ECE2: variants seen among roughly 807,000 people sequenced by gnomAD.
ECE2 encodes endothelin converting enzyme 2.
In ECE2, 81 loss-of-function variants were observed where a neutral mutation model predicts 100.6. The ratio of observed to expected loss-of-function variants is 0.81; its 90% CI spans 0.67 to 0.97. The LOEUF is 0.97. ECE2 is among the 50% of genes least tolerant of loss of function. ECE2 has a pLI of 0.00. For synonymous variants in ECE2, 391 were observed against 391.5 expected (o/e 1.00, Z 0.02); for missense variants, 911 against 988.1 (o/e 0.92, Z 1.05).
intron 9 of ECE2, 47 bp downstream of exon 9, chr3:184,285,152 G>A: frequency 6.3e-7 from 1 of 1,589,200 alleles, no homozygotes; most frequent in Non-Finnish European, 8.6e-7. Flanking sequence ...GAGGTCTCCA[G>A]CAAGGCTGGG....
Position 184,291,394 on chromosome 3 carries a change from C to T in ECE2, c.2076C>T (p.Ala692=), listed in dbSNP as rs574347307. 2.0e-5 allele frequency: 32 copies of T among 1,607,636 alleles called. No individual in the cohort carries two copies. The highest frequency in any genetic ancestry group is 1.1e-4 in the East Asian group (5 of 44,856). ...ATGGGGAGGAGCAGCAACTGCCAGC[C>T]GTGGGGCTCACCAACCACCAGCTCT... ...RKHGEEQQLP[A]VGLTNHQLFF... is the part of the protein sequence containing the mutation. The change falls in exon 18 of 19, where the codon GCC becomes GCT. Residue 692 remains alanine, a synonymous_variant. Transcript: ENST00000404464. This position sits in a 1 kb window ranked among gnomAD's most constrained non-coding sequence, Gnocchi z 4.1.
chr3:184,288,009 A>G, intron 11 of ECE2, 62 bp downstream of exon 11: 1 of 1,509,422 alleles, frequency 6.6e-7, no homozygotes, highest in Non-Finnish European at 9.1e-7. Flanking sequence ...GTATGTGCAG[A>G]CATATAGAAA....
chr3:184,284,853 G>T lies in ECE2; in HGVS notation c.1006-110G>T, dbSNP rs147438885. 1.0e-4 allele frequency: 144 copies of T among 1,405,834 alleles called. No individual in the cohort carries two copies. In the African/African-American group the frequency reaches 1.5e-3, roughly 15 times the overall value. 87.1% of individuals were successfully genotyped at this position (1,405,834 alleles called of 1,614,324 possible). A position where few individuals can be genotyped will look rare whatever the true frequency, so the allele number is the denominator to read the frequency against. The stretch of plus-strand genomic sequence containing the variant: ...ACAGGAAGGATACACCATGAAGCCA[G>T]TAGTTGTTGCTATGGCAATGGGAAG... On this transcript the variant is annotated intron_variant, in intron 8 of 18. Transcript: ENST00000404464.
intron 7 of ECE2, among the ~76,000 whole-genome samples, chr3:184,279,651 C>A (rs1278284370): frequency 5.2e-5 from 5 of 96,162 alleles, no homozygotes; most frequent in African/African-American, 1.2e-4. Context: ...AACAAGACTT[C>A]ATCTCAAAAA....
At chr3:184,278,120 C>T (rs1720647992) in intron 5 of ECE2, 47 bp from the exon 6 acceptor site, 1 of 1,613,326 alleles carries the variant, frequency 6.2e-7, no homozygotes, top group African/African-American at 1.3e-5. Flanking sequence ...CCCAGGAACG[C>T]TTTGGGAGCT....
rs546404862 is a variant in ECE2 at position 184,278,382 on chromosome 3, T to C, written c.750+69T>C. On this transcript the variant is annotated intron_variant, in intron 6 of 18. Transcript: ENST00000404464. The stretch of plus-strand genomic sequence containing the variant: ...GCTGAGCCCAGACTTCCCTCTCCTG[T>C]GACAGGCAGGCTGGGCTGACCCCCC... 78 of 1,592,376 alleles carry C rather than the reference T, an allele frequency of 4.9e-5. No individual in the cohort carries two copies. In the African/African-American group the frequency reaches 1.0e-3, roughly 20 times the overall value.
At chr3:184,290,006 T>C (rs531671579) in intron 13 of ECE2, among the ~76,000 whole-genome samples, 1 of 152,324 alleles carries the variant, frequency 6.6e-6, no homozygotes, top group African/African-American at 2.4e-5. Flanking sequence ...CTTGGTTTCA[T>C]TTTCTGTAAA....
In ECE2 at chr3:184,291,818, T is replaced by A; in HGVS notation, c.2122-244T>A. 1.8e-6 allele frequency: 1 copy of A among 551,658 alleles called. No homozygotes were observed. Among genetic ancestry groups the A allele is most frequent in the South Asian group, 2.7e-5 (1 of 36,542 alleles). 34.2% of individuals were successfully genotyped at this position (551,658 alleles called of 1,614,324 possible). On this transcript the variant is annotated intron_variant, in intron 18 of 18. Transcript: ENST00000404464. This position sits in a 1 kb window ranked among gnomAD's most constrained non-coding sequence, Gnocchi z 4.1. ...TGTCCAGGGCTGCCCAGGAATAGAG[T>A]AAGTGGCAGAGCAAGGACCCAGGCA...
chr3:184,276,805 CT>C (rs1463053961), intron 2 of ECE2, 86 bp from the exon 3 acceptor site: 10 of 1,583,086 alleles, frequency 6.3e-6, no homozygotes, highest in Non-Finnish European at 8.6e-6. Context: ...CCCTGTGGCT[CT>C]GAAAACTGCC....
At position 184,290,258 on chromosome 3, in the gene ECE2, G is replaced by A. The variant is rs142884324; in HGVS notation, c.1555G>A (p.Glu519Lys). 268 of 1,613,072 alleles carry A rather than the reference G, an allele frequency of 1.7e-4. No individual in the cohort carries two copies. Among genetic ancestry groups the A allele is most frequent in the Non-Finnish European group, 2.1e-4 (253 of 1,179,436 alleles). The change falls in exon 14 of 19, where the codon GAA (glutamate) becomes AAA (lysine). Residue 519 changes from glutamate to lysine, a missense_variant. Transcript: ENST00000404464. ...CTACTTCCCACCTTTCCCACAGTACGAAATTTCTGAAGATTCTTTCTTCCA... is the reference window on the plus strand; with the variant it reads ...CTACTTCCCACCTTTCCCACAGTACAAAATTTCTGAAGATTCTTTCTTCCA... ...KELDDVYDGY[E>K]ISEDSFFQNM...
At chr3:184,286,318 G>A (rs900535884) in intron 10 of ECE2, among the ~76,000 whole-genome samples, 1 of 152,170 alleles carries the variant, frequency 6.6e-6, no homozygotes, top group African/African-American at 2.4e-5. Flanking sequence ...TGGGGCACTT[G>A]GGAAGGGATC....
At chr3:184,278,694 T>C in intron 7 of ECE2, 137 bp downstream of exon 7, 1 of 681,546 alleles carries the variant, frequency 1.5e-6, no homozygotes, top group Non-Finnish European at 2.3e-6. Flanking sequence ...TGCCCCTCCT[T>C]TCTTTCTTCT....
chr3:184,276,337 C>T (rs1720546918), intron 1 of ECE2, 144 bp from the exon 2 acceptor site: 3 of 1,390,132 alleles, frequency 2.2e-6, no homozygotes, highest in Non-Finnish European at 1.9e-6. Flanking sequence ...AGAGAGACCC[C>T]GGGCCCGAGA....
At position 184,284,964 on chromosome 3, in the gene ECE2, C is replaced by T. The variant is rs1455120955; in HGVS notation, c.1007C>T (p.Ala336Val). ...YHKMSISELQ[A>V]LAPSMDWLEF... The stretch of plus-strand genomic sequence containing the variant: ...AGGCCTGAGATTTTTTTCTTTCAGG[C>T]TCTGGCGCCCTCCATGGACTGGCTT... The change falls in exon 9 of 19, where the codon GCT (alanine) becomes GTT (valine). Residue 336 changes from alanine to valine, a missense_variant and splice_region_variant. By Grantham distance (64) the Ala-to-Val change is moderately conservative. Coordinates refer to ENST00000404464, the MANE Select transcript of ECE2 (RefSeq NM_001100121.2). 1.9e-6 allele frequency: 3 copies of T among 1,612,724 alleles called. No homozygotes were observed. The highest frequency in any genetic ancestry group is 4.5e-5 in the East Asian group (2 of 44,878).
At chr3:184,276,618 G>T (rs757915768) in intron 2 of ECE2, 51 bp downstream of exon 2, 13 of 1,588,618 alleles carry the variant, frequency 8.2e-6, no homozygotes, top group African/African-American at 1.3e-5. Context: ...CTGGCATGAC[G>T]CCTGGCACAC....
At position 184,291,879 on chromosome 3, in the gene ECE2, G is replaced by A. The variant is rs1017935316; in HGVS notation, c.2122-183G>A. The A allele has an allele frequency of 7.7e-6, 5 of 648,926 alleles. No homozygotes were observed. The highest frequency in any genetic ancestry group is 1.3e-5 in the Non-Finnish European group (5 of 388,330). The allele number at this position is 648,926 out of a possible 1,614,324, so 40.2% of individuals were successfully genotyped here. On this transcript the variant is annotated intron_variant, in intron 18 of 18. Coordinates refer to ENST00000404464, the MANE Select transcript of ECE2 (RefSeq NM_001100121.2). This position sits in a 1 kb window ranked among gnomAD's most constrained non-coding sequence, Gnocchi z 4.1. The stretch of plus-strand genomic sequence containing the variant: ...TGGGCAGCCACAGCAGGCAGCTTCT[G>A]GGGCTCCGCTTTTTCCCCTCGTCAT...
In ECE2 at chr3:184,292,247, CAG is replaced by C. The variant is rs752030634; in HGVS notation, c.*10_*11del. ...TGTGTGAGGTGTGGTAGACCTGGAT[CAG>C]GGGAGAAATGGCCAGCTGTCACCAG... is the stretch of plus-strand genomic sequence containing the variant. On this transcript the variant is annotated 3_prime_UTR_variant, in exon 19 of 19. Coordinates refer to ENST00000404464, the MANE Select transcript of ECE2 (RefSeq NM_001100121.2). 136 of 1,613,560 alleles carry C rather than the reference CAG, an allele frequency of 8.4e-5. 2 individuals are homozygous for C. The highest frequency in any genetic ancestry group is 3.3e-5 in the South Asian group (3 of 91,068).
In ECE2 at chr3:184,276,088, G is replaced by A. The variant is rs1720529687; in HGVS notation, c.-66G>A. On this transcript the variant is annotated 5_prime_UTR_variant, in exon 1 of 19. Coordinates refer to ENST00000404464, the MANE Select transcript of ECE2 (RefSeq NM_001100121.2). ...TGACGGCGGGGCCGGGCAGGGGACC[G>A]GGGCCGCGGCCCGGGAGCGGGCCAG... 1.6e-6 allele frequency: 2 copies of A among 1,247,038 alleles called. No individual in the cohort carries two copies. Among genetic ancestry groups the A allele is most frequent in the Non-Finnish European group, 1.0e-6 (1 of 996,246 alleles). The allele number at this position is 1,247,038 out of a possible 1,614,324, so 77.2% of individuals were successfully genotyped here.
Position 184,289,849 on chromosome 3 carries a change from C to G in ECE2, c.1551+131C>G. The G allele has an allele frequency of 1.3e-6, 1 of 778,852 alleles. No individual in the cohort carries two copies. The highest frequency in any genetic ancestry group is 2.0e-6 in the Non-Finnish European group (1 of 500,558). 48.2% of individuals were successfully genotyped at this position (778,852 alleles called of 1,614,324 possible). A position where few individuals can be genotyped will look rare whatever the true frequency, so the allele number is the denominator to read the frequency against. ...TTCTTTTAGAGGCAGATGGAGGTAA[C>G]CAGCATTGTTAAAATGTTGGCTCTG... On this transcript the variant is annotated intron_variant, in intron 13 of 18. Coordinates refer to ENST00000404464, the MANE Select transcript of ECE2 (RefSeq NM_001100121.2). The surrounding 1 kb of genome is among the most constrained non-coding windows in gnomAD (Gnocchi z 4.1).
Sources: gnomAD v4.1 joint callset for allele counts (sites outside exome capture counted in the v4.1 genomes callset) on GRCh38, gnomAD v4.1.1 for gene constraint, Gnocchi (gnomAD v3.1) non-coding constraint, MANE v1.5 for transcripts, NCBI Gene and HGNC (gene_info 2026-07-23, HGNC 2026-07-21) for gene names.